TSNARE1: variants seen among roughly 807,000 people sequenced by gnomAD.
TSNARE1 encodes t-SNARE domain-containing protein 1.
Under a neutral mutation model 62.0 loss-of-function variants are expected in TSNARE1, and 49 were observed. The ratio of observed to expected loss-of-function variants is 0.79; its 90% CI spans 0.63 to 1.00. TSNARE1 has a LOEUF of 1.00. Among genes scored for constraint, TSNARE1 ranks in the 50% least tolerant of loss-of-function variants. The pLI is 0.00. For missense variants in TSNARE1, 755 were observed against 700.1 expected (o/e 1.08, Z -0.88); for synonymous variants, 328 against 294.4 (o/e 1.11, Z -1.17).
chr8:142,299,242 C>T (rs1825270892), intron 10 of TSNARE1, among the ~76,000 whole-genome samples: 1 of 152,232 alleles, frequency 6.6e-6, no homozygotes, highest in East Asian at 1.9e-4. Context: ...GGAGAAGGGG[C>T]TGAGCCCCAG....
At chr8:142,281,260 AG>A (rs1179656224) in intron 11 of TSNARE1, among the ~76,000 whole-genome samples, 3 of 152,038 alleles carry the variant, frequency 2.0e-5, no homozygotes, top group Non-Finnish European at 4.4e-5. Flanking sequence ...TCCTCAACTG[AG>A]GAAAAGAGAC....
intron 1 of TSNARE1, among the ~76,000 whole-genome samples, chr8:142,383,956 G>A (rs979786473): frequency 6.6e-6 from 1 of 152,160 alleles, no homozygotes; most frequent in Non-Finnish European, 1.5e-5. Context: ...GAACAGAGAG[G>A]GCAGGCAGGG....
chr8:142,296,387 G>A (rs1197384090), intron 10 of TSNARE1, among the ~76,000 whole-genome samples: 4 of 126,574 alleles, frequency 3.2e-5, no homozygotes, highest in Non-Finnish European at 6.9e-5. Context: ...TGTCATGGGG[G>A]AGGGGTGGTC....
intron 1 of TSNARE1, among the ~76,000 whole-genome samples, chr8:142,360,983 C>T (rs1443938336): frequency 2.0e-5 from 3 of 152,166 alleles, no homozygotes; most frequent in Non-Finnish European, 4.4e-5. Context: ...GGCCACCCTT[C>T]CCCCAGCAGA....
At chr8:142,223,287 TA>T (rs1816567829) in intron 13 of TSNARE1, among the ~76,000 whole-genome samples, 1 of 5,308 alleles carries the variant, frequency 1.9e-4, no homozygotes, top group Admixed American at 1.9e-3. Context: ...CACTCACTCA[TA>T]CTCACTCAAC....
intron 12 of TSNARE1, among the ~76,000 whole-genome samples, chr8:142,232,752 C>T (rs996387500): frequency 2.6e-5 from 4 of 152,224 alleles, no homozygotes; most frequent in Non-Finnish European, 4.4e-5. Context: ...CAGGCGATGA[C>T]AGGCAGGGCC....
chr8:142,391,727 G>A (rs938207305), intron 1 of TSNARE1, among the ~76,000 whole-genome samples: 5 of 152,222 alleles, frequency 3.3e-5, no homozygotes, highest in Admixed American at 6.5e-5. Flanking sequence ...AGGGCTGCCC[G>A]CCCTGCCGCA....
chr8:142,341,544 C>T (rs1301464708), intron 4 of TSNARE1, among the ~76,000 whole-genome samples: 1 of 152,206 alleles, frequency 6.6e-6, no homozygotes, highest in East Asian at 1.9e-4. Context: ...ACCTGGGGCG[C>T]ATCCAGACAC....
chr8:142,309,857 T>C (rs1186165419), intron 9 of TSNARE1, among the ~76,000 whole-genome samples: 2 of 152,220 alleles, frequency 1.3e-5, no homozygotes, highest in Non-Finnish European at 2.9e-5. Flanking sequence ...AATTCACCCA[T>C]ACAGCTATTG....
intron 10 of TSNARE1, among the ~76,000 whole-genome samples, chr8:142,293,889 G>A (rs936701996): frequency 2.6e-5 from 4 of 152,216 alleles, no homozygotes; most frequent in Non-Finnish European, 5.9e-5. Context: ...GAGAGGAGGG[G>A]CCACACTGGC....
chr8:142,286,431 C>A (rs1372231422), intron 10 of TSNARE1, among the ~76,000 whole-genome samples: 1 of 152,184 alleles, frequency 6.6e-6, no homozygotes, highest in African/African-American at 2.4e-5. Flanking sequence ...GTATCAATTG[C>A]AATTCAATTA....
At chr8:142,212,671 A>G (rs1433995887) in intron 13 of TSNARE1, among the ~76,000 whole-genome samples, 1 of 151,888 alleles carries the variant, frequency 6.6e-6, no homozygotes, top group Non-Finnish European at 1.5e-5. Flanking sequence ...CAGGCCCAGT[A>G]CAGCAGGCCC....
chr8:142,376,168 A>G (rs1463381764), intron 1 of TSNARE1, among the ~76,000 whole-genome samples: 1 of 152,170 alleles, frequency 6.6e-6, no homozygotes, highest in Non-Finnish European at 1.5e-5. Context: ...AAAGTGCAGG[A>G]GCAATTTGCA....
chr8:142,341,582 A>G (rs1437333016), intron 4 of TSNARE1, among the ~76,000 whole-genome samples: 1 of 152,172 alleles, frequency 6.6e-6, no homozygotes, highest in Non-Finnish European at 1.5e-5. Flanking sequence ...TCTTGGACAC[A>G]GGCTAGGACA....
intron 10 of TSNARE1, among the ~76,000 whole-genome samples, chr8:142,297,268 C>T (rs1824922569): frequency 6.6e-6 from 1 of 152,202 alleles, no homozygotes. Flanking sequence ...CAACACAACC[C>T]CGATCTGCAC....
chr8:142,270,817 C>G, intron 12 of TSNARE1: 1 of 985,450 alleles, frequency 1.0e-6, no homozygotes. Flanking sequence ...CCAACAGCAT[C>G]ATCCCTGAGT....
At chr8:142,277,005 C>T (rs150800975) in intron 11 of TSNARE1, 37 of 985,346 alleles carry the variant, frequency 3.8e-5, no homozygotes, top group African/African-American at 1.2e-4. Flanking sequence ...CGGTGCTGTG[C>T]GGCCGCGTGT....
intron 12 of TSNARE1, among the ~76,000 whole-genome samples, chr8:142,244,373 T>G (rs1466627936): frequency 6.6e-6 from 1 of 151,988 alleles, no homozygotes; most frequent in East Asian, 1.9e-4. Flanking sequence ...GAGACATCAT[T>G]TATAGAAACA....
intron 11 of TSNARE1, among the ~76,000 whole-genome samples, chr8:142,283,131 CGGGGCCAGTGTCTGTCAATGAGCAGAGGT>C (rs1353035316): frequency 1.6e-4 from 23 of 143,934 alleles, no homozygotes; most frequent in South Asian, 4.5e-4. Context: ...TGAGCAGAGG[CGGGGCCAGTGTCTGTCAATGAGCAGAGGT>C]GGGGCCAGTG....
Sources: allele counts gnomAD v4.1 joint callset (sites outside exome capture counted in the v4.1 genomes callset), GRCh38; gene constraint gnomAD v4.1.1; transcripts MANE v1.5; gene names NCBI Gene and HGNC (gene_info 2026-07-23, HGNC 2026-07-21).